Variants in FGF13 observed in about 807,000 individuals in gnomAD.
FGF13 encodes the protein fibroblast growth factor homologous factor 2.
In FGF13, 2 loss-of-function variants were observed where a neutral mutation model predicts 19.5. The observed-to-expected ratio is 0.10, with a 90% CI of 0.04 to 0.32. FGF13 has a LOEUF of 0.32. FGF13 is among the 10% of genes least tolerant of loss of function. The pLI is 1.00. For missense variants in FGF13, 113 were observed against 192.7 expected (o/e 0.59, Z 2.45); for synonymous variants, 72 against 76.9 (o/e 0.94, Z 0.33).
chrX:139,110,651 A>T, intron 1 of FGF13, among the ~76,000 whole-genome samples: 1 of 112,100 alleles, frequency 8.9e-6, no homozygotes, highest in South Asian at 3.7e-4. Flanking sequence ...AAATGGACTA[A>T]TACATGTGCC....
intron 1 of FGF13, among the ~76,000 whole-genome samples, chrX:139,197,337 TATATGTAAAAATAATGTTTGCCTAGTAAA>T (rs1449590937): frequency 1.8e-5 from 2 of 112,717 alleles, no homozygotes; most frequent in Non-Finnish European, 3.7e-5. Flanking sequence ...TTAAATTAGA[TATATGTAAAAATAATGTTTGCCTAGTAAA>T]TAGTAACTGC....
chrX:138,905,514 G>A (rs1315802316), intron 1 of FGF13, among the ~76,000 whole-genome samples: 2 of 111,725 alleles, frequency 1.8e-5, no homozygotes, highest in Non-Finnish European at 3.8e-5. Flanking sequence ...AGGGGACCTT[G>A]ACAACTTTTG....
At chrX:138,908,226 G>A (rs2091568898) in intron 1 of FGF13, among the ~76,000 whole-genome samples, 1 of 106,354 alleles carries the variant, frequency 9.4e-6, no homozygotes, top group African/African-American at 3.6e-5. Flanking sequence ...ACCCGCCACT[G>A]CGCCCGGCTA....
At chrX:138,888,440 A>G (rs1384871995) in intron 1 of FGF13, among the ~76,000 whole-genome samples, 1 of 110,673 alleles carries the variant, frequency 9.0e-6, no homozygotes, top group African/African-American at 3.3e-5. Flanking sequence ...ACCTATATCT[A>G]TAGCTTAGCA....
chrX:138,880,836 G>C (rs2091419809), intron 1 of FGF13, among the ~76,000 whole-genome samples: 1 of 111,746 alleles, frequency 8.9e-6, no homozygotes, highest in African/African-American at 3.2e-5. Flanking sequence ...GTACTTTATA[G>C]AAAATTTTGA....
Position 138,625,003 on chromosome X carries a change from GTA to G in FGF13, c.*7845_*7846del, listed in dbSNP as rs1384389665. The G allele has an allele frequency of 1.8e-5, 2 of 110,728 alleles. No individual in the cohort carries two copies. Among genetic ancestry groups the G allele is most frequent in the Non-Finnish European group, 3.8e-5 (2 of 52,922 alleles). The allele number at this position is 110,728 out of a possible 1,213,427, so 9.1% of individuals were successfully genotyped here. Reference sequence around the variant, plus strand: ...TCAATAGCAAAAATACAAGTAAACTGTATTTTGAAAAATGGACCAAGGAGCTG... The same window carrying G: ...TCAATAGCAAAAATACAAGTAAACTGTTTTGAAAAATGGACCAAGGAGCTG... On this transcript the variant is annotated 3_prime_UTR_variant, in exon 5 of 5. Coordinates refer to ENST00000315930, the MANE Select transcript of FGF13 (RefSeq NM_004114.5).
chrX:138,852,716 A>G (rs2091230655), downstream of FGF13, among the ~76,000 whole-genome samples: 1 of 112,116 alleles, frequency 8.9e-6, no homozygotes, highest in Admixed American at 9.5e-5. Context: ...GGATTTAATT[A>G]AACTAAAGAG....
At chrX:139,063,401 T>C (rs2092342408) in intron 1 of FGF13, among the ~76,000 whole-genome samples, 1 of 111,470 alleles carries the variant, frequency 9.0e-6, no homozygotes, top group South Asian at 3.8e-4. Context: ...TGCCTTATAA[T>C]TAGTTAGGAC....
chrX:138,644,562 G>A (rs1428085886), intron 3 of FGF13, among the ~76,000 whole-genome samples: 1 of 111,420 alleles, frequency 9.0e-6, no homozygotes, highest in Non-Finnish European at 1.9e-5. Flanking sequence ...TTACAGGTGT[G>A]AGCCACCGCA....
At chrX:139,022,902 T>C (rs189325510) in intron 1 of FGF13, among the ~76,000 whole-genome samples, 1 of 111,701 alleles carries the variant, frequency 9.0e-6, no homozygotes, top group African/African-American at 3.2e-5. Context: ...TTTTCAGTTC[T>C]GAGCCAAGCA....
chrX:138,960,976 G>T (rs2091866574), intron 1 of FGF13, among the ~76,000 whole-genome samples: 1 of 111,523 alleles, frequency 9.0e-6, no homozygotes, highest in African/African-American at 3.3e-5. Context: ...GCTCGGAGAA[G>T]TTTGTTATTA....
At chrX:138,931,536 T>C (rs897672665) in intron 1 of FGF13, among the ~76,000 whole-genome samples, 2 of 112,100 alleles carry the variant, frequency 1.8e-5, no homozygotes, top group African/African-American at 6.5e-5. Context: ...AATAAACTCA[T>C]TAAAAATAGA....
At chrX:139,088,944 G>T (rs2083422107) in intron 1 of FGF13, among the ~76,000 whole-genome samples, 1 of 112,197 alleles carries the variant, frequency 8.9e-6, no homozygotes, top group African/African-American at 3.2e-5. Context: ...CAGTGAGAAG[G>T]CACCATCTAT....
intron 1 of FGF13, among the ~76,000 whole-genome samples, chrX:139,028,461 A>G (rs1165783547): frequency 9.0e-6 from 1 of 111,388 alleles, no homozygotes; most frequent in Non-Finnish European, 1.9e-5. Context: ...TGTTTGTGCT[A>G]TGAGGAAAAT....
At chrX:139,203,984 G>T, upstream of FGF13, 2 of 1,084,119 alleles carry the variant, frequency 1.8e-6, no homozygotes, top group Non-Finnish European at 2.6e-6. Context: ...AGGAGCCGCC[G>T]GAGGGCGGCG....
At chrX:139,097,238 G>A (rs888617113) in intron 1 of FGF13, among the ~76,000 whole-genome samples, 2 of 111,340 alleles carry the variant, frequency 1.8e-5, no homozygotes, top group African/African-American at 6.5e-5. Flanking sequence ...TGGCTTTCCT[G>A]GGCCACATTG....
At chrX:138,853,620 CGTGTGTGTGTGT>C (rs34651876), downstream of FGF13, among the ~76,000 whole-genome samples, 1 of 99,920 alleles carries the variant, frequency 1.0e-5, no homozygotes, top group South Asian at 4.9e-4. Context: ...TGTGCGTGTG[CGTGTGTGTGTGT>C]GTGTGTGTGT....
intron 1 of FGF13, among the ~76,000 whole-genome samples, chrX:139,013,493 AT>A (rs2092139308): frequency 3.2e-4 from 1 of 3,119 alleles, no homozygotes; most frequent in Non-Finnish European, 1.2e-3. Context: ...ATATATATAT[AT>A]ATATATATAT....
At chrX:138,761,714 C>A (rs1044277274) in intron 3 of FGF13, among the ~76,000 whole-genome samples, 5 of 111,648 alleles carry the variant, frequency 4.5e-5, no homozygotes, top group Non-Finnish European at 9.4e-5. Flanking sequence ...ATATTTTTGA[C>A]CTTTAACTTC....
Sources: gnomAD v4.1 joint callset for allele counts (sites outside exome capture counted in the v4.1 genomes callset) on GRCh38, gnomAD v4.1.1 for gene constraint, MANE v1.5 for transcripts, NCBI Gene and HGNC (gene_info 2026-07-23, HGNC 2026-07-21) for gene names.